The following DNM3 variants were observed in gnomAD, a reference collection of about 807,000 sequenced individuals.
DNM3 encodes dynamin 3.
A neutral mutation model predicts 101.6 loss-of-function variants in DNM3; 47 were observed. That is an observed-to-expected ratio of 0.46 (90% CI 0.37 to 0.59). The LOEUF (loss-of-function observed/expected upper bound fraction) is 0.59, where lower values mean the gene tolerates loss of function less well. Ranked by LOEUF, DNM3 falls within the 20% of genes least tolerant of loss-of-function variation. DNM3 has a pLI of 0.00. For synonymous variants in DNM3, 385 were observed against 387.9 expected, an observed-to-expected ratio of 0.99 and a Z score of 0.09; for missense variants, 849 against 1,085.7, an observed-to-expected ratio of 0.78 and a Z score of 3.06.
At chr1:172,095,690 A>C (rs2054199381) in intron 13 of DNM3, among the ~76,000 whole-genome samples, 1 of 152,170 alleles carries the variant, frequency 6.6e-6, no homozygotes, top group Non-Finnish European at 1.5e-5. Flanking sequence ...CCATGCTGCT[A>C]TCCTCTTAGG....
At chr1:172,380,370 C>T (rs1346673583) in intron 18 of DNM3, among the ~76,000 whole-genome samples, 2 of 151,942 alleles carry the variant, frequency 1.3e-5, no homozygotes, top group Non-Finnish European at 2.9e-5. Flanking sequence ...TACGACAGTC[C>T]GTTCATTGTC....
In DNM3 at chr1:172,218,144, G is replaced by A. The variant is rs370593407; in HGVS notation, c.1660-35429G>A. Among the ~76,000 whole-genome samples the A allele has an allele frequency of 2.6e-4, 40 of 152,198 alleles. 1 individual carries two copies. The East Asian group carries it at 7.5e-3, about 29-fold the overall frequency. On this transcript the variant is annotated intron_variant, in intron 14 of 20. Transcript: ENST00000627582. ...TCTATTCTCTAGACATAATCTCAGT[G>A]TTATATCATTACAGAGAGTACTTTA... is the stretch of plus-strand genomic sequence containing the variant.
chr1:172,111,101 A>G (rs1422017188), intron 13 of DNM3, among the ~76,000 whole-genome samples: 1 of 152,246 alleles, frequency 6.6e-6, no homozygotes, highest in Admixed American at 6.5e-5. Context: ...GTAAATTCTA[A>G]TCTAATAAAG....
intron 1 of DNM3, among the ~76,000 whole-genome samples, chr1:171,842,887 G>A (rs1199722599): frequency 1.3e-5 from 2 of 152,184 alleles, no homozygotes; most frequent in African/African-American, 4.8e-5. Context: ...CCATTTAAAA[G>A]CATTATGAAA....
chr1:172,311,258 A>G (rs1255637321), intron 16 of DNM3: 1 of 151,980 alleles, frequency 6.6e-6, no homozygotes, highest in Non-Finnish European at 1.5e-5. Flanking sequence ...GAGATTATAA[A>G]TACTTTGTTA....
chr1:172,100,282 A>G (rs2054544212), intron 13 of DNM3, among the ~76,000 whole-genome samples: 2 of 152,132 alleles, frequency 1.3e-5, no homozygotes, highest in Admixed American at 1.3e-4. Context: ...TTCCTTCCAA[A>G]CAGGGTTTCT....
At chr1:172,418,250 ATTTTGTTTTG>A (rs761040777) in intron 20 of DNM3, 4 of 1,277,972 alleles carry the variant, frequency 3.1e-6, no homozygotes, top group Admixed American at 2.3e-5. Context: ...TCTTTTTGTT[ATTTTGTTTTG>A]TTTTGTTTTG....
intron 13 of DNM3, among the ~76,000 whole-genome samples, chr1:172,120,922 G>A (rs1361425146): frequency 6.6e-6 from 1 of 152,054 alleles, no homozygotes; most frequent in African/African-American, 2.4e-5. Context: ...CACCTCTAAG[G>A]TGCTCACTAA....
At chr1:172,007,668 T>C (rs1428475100) in intron 4 of DNM3, among the ~76,000 whole-genome samples, 3 of 152,138 alleles carry the variant, frequency 2.0e-5, no homozygotes, top group South Asian at 2.1e-4. Flanking sequence ...CTCTTTTGAT[T>C]ATGCCCATAA....
intron 4 of DNM3, among the ~76,000 whole-genome samples, chr1:171,997,734 G>A (rs1203247538): frequency 6.6e-6 from 1 of 152,112 alleles, no homozygotes; most frequent in Non-Finnish European, 1.5e-5. Flanking sequence ...AGTTCAATGT[G>A]CTGTATCACC....
chr1:172,068,358 AAATGAGGTT>A (rs1182333556), intron 10 of DNM3, among the ~76,000 whole-genome samples: 1 of 152,194 alleles, frequency 6.6e-6, no homozygotes, highest in Non-Finnish European at 1.5e-5. Flanking sequence ...AATAAAAAAG[AAATGAGGTT>A]AATAATTATA....
At chr1:172,213,538 A>AAAAAAT (rs1553419736) in intron 14 of DNM3, among the ~76,000 whole-genome samples, 31 of 143,988 alleles carry the variant, frequency 2.2e-4, no homozygotes, top group African/African-American at 7.9e-4. Flanking sequence ...AAAAAAAAAA[A>AAAAAAT]GCCTATTGGT....
At chr1:172,103,535 T>C (rs970393097) in intron 13 of DNM3, among the ~76,000 whole-genome samples, 1 of 152,214 alleles carries the variant, frequency 6.6e-6, no homozygotes, top group Non-Finnish European at 1.5e-5. Context: ...TCCCTAAGGA[T>C]AGGTATTTCT....
intron 14 of DNM3, among the ~76,000 whole-genome samples, chr1:172,229,137 A>T (rs571466054): frequency 6.6e-6 from 1 of 152,170 alleles, no homozygotes. Context: ...TAATGAAGAA[A>T]CACATCTGGG....
At chr1:172,125,893 C>G (rs1421277234) in intron 13 of DNM3, among the ~76,000 whole-genome samples, 1 of 152,158 alleles carries the variant, frequency 6.6e-6, no homozygotes, top group Non-Finnish European at 1.5e-5. Context: ...GCTTCTACCA[C>G]TAATCCTATT....
At chr1:172,269,787 G>A (rs554662415) in intron 15 of DNM3, among the ~76,000 whole-genome samples, 5 of 152,194 alleles carry the variant, frequency 3.3e-5, no homozygotes, top group East Asian at 1.9e-4. Flanking sequence ...TTGTGATAGC[G>A]TGGGGCCCCC....
At chr1:171,865,018 A>T (rs1558182894) in intron 1 of DNM3, among the ~76,000 whole-genome samples, 1 of 152,286 alleles carries the variant, frequency 6.6e-6, no homozygotes, top group East Asian at 1.9e-4. Flanking sequence ...TTGGACGGAG[A>T]GACATTCTTG....
At chr1:172,145,351 T>C (rs930239737) in intron 14 of DNM3, among the ~76,000 whole-genome samples, 2 of 147,866 alleles carry the variant, frequency 1.4e-5, no homozygotes, top group Non-Finnish European at 3.0e-5. Flanking sequence ...TCTCTCCCCC[T>C]CTTCCCCTCT....
At chr1:172,251,684 A>G (rs2062175944) in intron 14 of DNM3, among the ~76,000 whole-genome samples, 1 of 152,156 alleles carries the variant, frequency 6.6e-6, no homozygotes, top group Non-Finnish European at 1.5e-5. Context: ...CTACTTCTAT[A>G]GAAAACAAGC....
Sources: allele counts gnomAD v4.1 joint callset (sites outside exome capture counted in the v4.1 genomes callset), GRCh38; gene constraint gnomAD v4.1.1; transcripts MANE v1.5; gene names NCBI Gene and HGNC (gene_info 2026-07-23, HGNC 2026-07-21).